Variants in ABLIM3 observed in about 807,000 individuals in gnomAD.
ABLIM3 encodes actin-binding LIM protein 3.
Under a neutral mutation model 109.5 loss-of-function variants are expected in ABLIM3, and 61 were observed. The observed-to-expected ratio is 0.56, with a 90% CI of 0.45 to 0.69. ABLIM3 has a LOEUF of 0.69. Ranked by LOEUF, ABLIM3 falls within the 30% of genes least tolerant of loss-of-function variation. The pLI is 0.00. For synonymous variants in ABLIM3, 300 were observed against 324.8 expected, an observed-to-expected ratio of 0.92 and a Z score of 0.82; for missense variants, 796 against 889.5, an observed-to-expected ratio of 0.89 and a Z score of 1.34.
intron 5 of ABLIM3, 126 bp from the exon 6 acceptor site, chr5:149,206,882 A>C: frequency 8.8e-7 from 1 of 1,138,222 alleles, no homozygotes; most frequent in Non-Finnish European, 1.1e-6. Flanking sequence ...GGAAGCTTCC[A>C]GTGTCAGGTG....
intron 2 of ABLIM3, among the ~76,000 whole-genome samples, chr5:149,155,041 C>T (rs1474954736): frequency 1.3e-5 from 2 of 152,136 alleles, no homozygotes; most frequent in Non-Finnish European, 2.9e-5. Flanking sequence ...ATGAGGAATA[C>T]TTCAATATCC....
chr5:149,256,889 G>C (rs151142599), intron 23 of ABLIM3, among the ~76,000 whole-genome samples: 7 of 152,156 alleles, frequency 4.6e-5, no homozygotes, highest in Non-Finnish European at 7.3e-5. Context: ...TTGACCAAGA[G>C]GGGCAGTGAG....
At chr5:149,246,601 T>A in intron 17 of ABLIM3, 55 bp downstream of exon 17, 2 of 1,551,096 alleles carry the variant, frequency 1.3e-6, no homozygotes, top group Non-Finnish European at 1.8e-6. Context: ...TCACTGAGGG[T>A]CTTTTCATTT....
chr5:149,239,044 G>T (rs143865347), intron 11 of ABLIM3, among the ~76,000 whole-genome samples: 1 of 152,128 alleles, frequency 6.6e-6, no homozygotes, highest in Non-Finnish European at 1.5e-5. Context: ...CCTAAAAGGC[G>T]GGCATAATCT....
intron 8 of ABLIM3, among the ~76,000 whole-genome samples, chr5:149,229,997 C>T (rs1174765909): frequency 6.6e-6 from 1 of 152,228 alleles, no homozygotes; most frequent in African/African-American, 2.4e-5. Flanking sequence ...GACACCTCCT[C>T]CCCCTTAAAT....
chr5:149,216,069 G>C (rs972276845), intron 7 of ABLIM3, among the ~76,000 whole-genome samples: 1 of 152,172 alleles, frequency 6.6e-6, no homozygotes, highest in Non-Finnish European at 1.5e-5. Flanking sequence ...GTCACACTGG[G>C]GTGAGCTGCG....
At chr5:149,247,653 G>A in intron 17 of ABLIM3, 129 bp from the exon 18 acceptor site, 1 of 1,195,962 alleles carries the variant, frequency 8.4e-7, no homozygotes. Flanking sequence ...AGGTGGGAGG[G>A]ACGCTGGGAA....
At chr5:149,144,332 C>A (rs908905129) in intron 2 of ABLIM3, among the ~76,000 whole-genome samples, 1 of 152,110 alleles carries the variant, frequency 6.6e-6, no homozygotes. Flanking sequence ...CATGGAGGTA[C>A]CTCCCAAACC....
At chr5:149,245,630 C>G (rs1344810924) in intron 16 of ABLIM3, among the ~76,000 whole-genome samples, 1 of 148,188 alleles carries the variant, frequency 6.7e-6, no homozygotes, top group Non-Finnish European at 1.5e-5. Flanking sequence ...TTTGAGAGAC[C>G]ACTTTGGCTG....
At chr5:149,258,218 A>G (rs540435924) in intron 23 of ABLIM3, 73 bp from the exon 24 acceptor site, 1 of 1,382,278 alleles carries the variant, frequency 7.2e-7, no homozygotes, top group South Asian at 1.2e-5. Flanking sequence ...GCCTCCAGCT[A>G]CCCCTGCATC....
rs530741758 is a variant in ABLIM3 at position 149,198,362 on chromosome 5, C to A, written c.295C>A (p.Arg99Ser). The change falls in exon 4 of 24, where the codon CGC (arginine) becomes AGC (serine). Residue 99 changes from arginine to serine, a missense_variant. Physicochemically the swap from Arg to Ser is moderately radical, Grantham distance 110. Coordinates refer to ENST00000309868, the MANE Select transcript of ABLIM3 (RefSeq NM_014945.5). The surrounding 1 kb of genome is among the most constrained non-coding windows in gnomAD (Gnocchi z 4.2). The part of the protein sequence containing the change: ...ITGEVISALG[R>S]TYHPKCFVCS... ...AGGCGAAGTCATCTCGGCCCTGGGCCGCACTTACCACCCCAAGTGCTTCGT... is the reference window on the plus strand; with the variant it reads ...AGGCGAAGTCATCTCGGCCCTGGGCAGCACTTACCACCCCAAGTGCTTCGT... 1 of 1,613,650 alleles carries A rather than the reference C, an allele frequency of 6.2e-7. No individual in the cohort carries two copies. Among genetic ancestry groups the A allele is most frequent in the East Asian group, 2.2e-5 (1 of 44,882 alleles).
At chr5:149,221,409 G>T (rs1187828829) in intron 8 of ABLIM3, among the ~76,000 whole-genome samples, 1 of 152,202 alleles carries the variant, frequency 6.6e-6, no homozygotes, top group Non-Finnish European at 1.5e-5. Flanking sequence ...TCTGGAGCTG[G>T]ACACAGCATG....
intron 2 of ABLIM3, among the ~76,000 whole-genome samples, chr5:149,158,353 G>GA (rs1754031889): frequency 6.6e-6 from 1 of 152,054 alleles, no homozygotes; most frequent in African/African-American, 2.4e-5. Context: ...GAATGTGTTT[G>GA]AAAAAAGTTA....
chr5:149,225,924 C>T (rs7729514), intron 8 of ABLIM3, among the ~76,000 whole-genome samples: 7,365 of 38,534 alleles, frequency 0.19, 802 homozygotes, highest in African/African-American at 0.42. Flanking sequence ...ATCATATATA[C>T]ATATATATAT....
intron 2 of ABLIM3, among the ~76,000 whole-genome samples, chr5:149,171,521 C>T (rs1311971676): frequency 6.6e-6 from 1 of 152,192 alleles, no homozygotes; most frequent in Non-Finnish European, 1.5e-5. Flanking sequence ...GAGGCAGAGC[C>T]TGCATTTGAA....
intron 8 of ABLIM3, among the ~76,000 whole-genome samples, chr5:149,229,878 C>T (rs1403672099): frequency 6.6e-6 from 1 of 152,164 alleles, no homozygotes; most frequent in Non-Finnish European, 1.5e-5. Flanking sequence ...CAACTGGACC[C>T]CCACCCACAA....
At chr5:149,172,775 T>C (rs78587337) in intron 2 of ABLIM3, among the ~76,000 whole-genome samples, 5,778 of 152,270 alleles carry the variant, frequency 0.038, 336 homozygotes, top group African/African-American at 0.13. Flanking sequence ...ATTTTTCCAT[T>C]TACATTACCT....
intron 17 of ABLIM3, 149 bp from the exon 18 acceptor site, chr5:149,247,632 TG>T: frequency 1.0e-6 from 1 of 993,096 alleles, no homozygotes; most frequent in East Asian, 2.6e-5. Flanking sequence ...ACAGGAAACA[TG>T]GGTGCCACAA....
At chr5:149,184,467 C>A (rs1378210671) in intron 3 of ABLIM3, among the ~76,000 whole-genome samples, 2 of 152,174 alleles carry the variant, frequency 1.3e-5, no homozygotes, top group African/African-American at 4.8e-5. Flanking sequence ...ATACTTGTAT[C>A]CAGGTTTTCC....
Sources: gnomAD v4.1 joint callset for allele counts (sites outside exome capture counted in the v4.1 genomes callset) on GRCh38, gnomAD v4.1.1 for gene constraint, Gnocchi (gnomAD v3.1) non-coding constraint, MANE v1.5 for transcripts, NCBI Gene and HGNC (gene_info 2026-07-23, HGNC 2026-07-21) for gene names.